SLC35F3: variants seen among roughly 807,000 people sequenced by gnomAD.
SLC35F3 encodes the protein solute carrier family 35 member F3.
Under a neutral mutation model 49.9 loss-of-function variants are expected in SLC35F3, and 25 were observed. That is an observed-to-expected ratio of 0.50 (90% CI 0.37 to 0.70). The LOEUF (loss-of-function observed/expected upper bound fraction) is 0.70, where lower values mean the gene tolerates loss of function less well. SLC35F3 is among the 30% of genes least tolerant of loss of function. SLC35F3 has a pLI of 0.00. For missense variants in SLC35F3, 525 were observed against 639.8 expected (o/e 0.82, Z 1.94); for synonymous variants, 275 against 265.4 (o/e 1.04, Z -0.35).
intron 2 of SLC35F3, among the ~76,000 whole-genome samples, chr1:234,185,516 A>G (rs1480334151): frequency 6.6e-6 from 1 of 152,210 alleles, no homozygotes; most frequent in Non-Finnish European, 1.5e-5. Context: ...GTAGTACCTA[A>G]GGCATTAATG....
chr1:234,076,713 G>A (rs1199520876), intron 2 of SLC35F3, among the ~76,000 whole-genome samples: 5 of 151,844 alleles, frequency 3.3e-5, no homozygotes, highest in Non-Finnish European at 5.9e-5. Context: ...CACCAGCCTC[G>A]CCCTCCCAAA....
intron 2 of SLC35F3, among the ~76,000 whole-genome samples, chr1:234,151,033 T>C (rs1268165897): frequency 6.6e-6 from 1 of 152,132 alleles, no homozygotes. Context: ...CAAGAAGGAC[T>C]GAAGGATCCA....
At chr1:234,114,979 T>C (rs956255746) in intron 2 of SLC35F3, among the ~76,000 whole-genome samples, 7 of 152,172 alleles carry the variant, frequency 4.6e-5, no homozygotes, top group African/African-American at 1.7e-4. Context: ...TGAGTTGATA[T>C]TAAAATATGG....
At chr1:233,935,189 C>G (rs1299176489) in intron 2 of SLC35F3, among the ~76,000 whole-genome samples, 1 of 50,302 alleles carries the variant, frequency 2.0e-5, no homozygotes, top group Non-Finnish European at 3.3e-5. Flanking sequence ...TTTCCTTGCC[C>G]TTTTTTTTTT....
chr1:233,993,939 C>T (rs1172359735), intron 2 of SLC35F3, among the ~76,000 whole-genome samples: 1 of 152,176 alleles, frequency 6.6e-6, no homozygotes, highest in Non-Finnish European at 1.5e-5. Context: ...GTGTTTTGAG[C>T]AGTTTCATTG....
At chr1:234,068,651 A>G (rs1664655651) in intron 2 of SLC35F3, among the ~76,000 whole-genome samples, 1 of 151,482 alleles carries the variant, frequency 6.6e-6, no homozygotes, top group Non-Finnish European at 1.5e-5. Context: ...TGGGAGTCAG[A>G]GAGGTGTGTG....
At chr1:234,017,028 A>C (rs1204021314) in intron 2 of SLC35F3, among the ~76,000 whole-genome samples, 2 of 152,154 alleles carry the variant, frequency 1.3e-5, no homozygotes, top group Non-Finnish European at 2.9e-5. Flanking sequence ...ATCATTCCTT[A>C]ATCTGCGTGT....
intron 2 of SLC35F3, among the ~76,000 whole-genome samples, chr1:234,057,793 C>T (rs919759796): frequency 6.6e-6 from 1 of 152,148 alleles, no homozygotes. Context: ...GCAATCTCCA[C>T]CTCCCAGATT....
intron 2 of SLC35F3, among the ~76,000 whole-genome samples, chr1:233,966,170 T>C (rs1180595718): frequency 6.6e-6 from 1 of 152,104 alleles, no homozygotes; most frequent in Non-Finnish European, 1.5e-5. Context: ...AAAGCTTACA[T>C]TTGGGAAGAA....
At chr1:233,987,033 T>G (rs554592006) in intron 2 of SLC35F3, among the ~76,000 whole-genome samples, 13 of 152,310 alleles carry the variant, frequency 8.5e-5, no homozygotes, top group Non-Finnish European at 1.5e-4. Context: ...ATGCTTTTAA[T>G]CCCAGCACTT....
chr1:234,083,348 G>A (rs996625179), intron 2 of SLC35F3, among the ~76,000 whole-genome samples: 4 of 152,282 alleles, frequency 2.6e-5, no homozygotes, highest in South Asian at 2.1e-4. Flanking sequence ...TACTGGTTTC[G>A]TATCACCTGC....
At chr1:233,963,698 G>A (rs1456519183) in intron 2 of SLC35F3, among the ~76,000 whole-genome samples, 2 of 152,200 alleles carry the variant, frequency 1.3e-5, no homozygotes, top group African/African-American at 4.8e-5. Flanking sequence ...AAACACAGAA[G>A]CCTGCATGCT....
At chr1:233,919,580 G>A (rs1283014210) in intron 2 of SLC35F3, among the ~76,000 whole-genome samples, 3 of 152,198 alleles carry the variant, frequency 2.0e-5, no homozygotes, top group Non-Finnish European at 4.4e-5. Flanking sequence ...GAGTGGGCAG[G>A]TAGCATAGAA....
chr1:234,141,860 G>A (rs914724484), intron 2 of SLC35F3, among the ~76,000 whole-genome samples: 3 of 152,122 alleles, frequency 2.0e-5, no homozygotes, highest in Non-Finnish European at 4.4e-5. Flanking sequence ...ACTCATCCTA[G>A]GATCTTTTCC....
At chr1:234,142,738 A>G (rs966469727) in intron 2 of SLC35F3, among the ~76,000 whole-genome samples, 16 of 151,946 alleles carry the variant, frequency 1.1e-4, no homozygotes, top group African/African-American at 3.9e-4. Flanking sequence ...GGGCCAGTGT[A>G]TTAAATATGG....
In SLC35F3 at chr1:234,214,565, A is replaced by C; in HGVS notation, c.284-16852A>C. 6.4e-7 allele frequency: 1 copy of C among 1,551,912 alleles called. No homozygotes were observed. Among genetic ancestry groups the C allele is most frequent in the Non-Finnish European group, 8.7e-7 (1 of 1,151,446 alleles). Reference sequence around the variant, plus strand: ...CAACAGTCCGGTCCTGACCCTTACCAAAGTGGAAGGTAATGCGCGGCCGCC... The same window carrying C: ...CAACAGTCCGGTCCTGACCCTTACCCAAGTGGAAGGTAATGCGCGGCCGCC... On this transcript the variant is annotated intron_variant, in intron 2 of 7. Coordinates refer to ENST00000366618, the MANE Select transcript of SLC35F3 (RefSeq NM_173508.4). The surrounding 1 kb of genome is among the most constrained non-coding windows in gnomAD (Gnocchi z 8.0).
intron 2 of SLC35F3, among the ~76,000 whole-genome samples, chr1:234,003,184 A>G (rs932822482): frequency 4.6e-5 from 7 of 152,186 alleles, no homozygotes; most frequent in African/African-American, 1.2e-4. Flanking sequence ...CCCATTGGTA[A>G]CAATGTTTTT....
chr1:234,099,613 AAAAAAAAAAAAAAAC>A (rs1030709674), intron 2 of SLC35F3, among the ~76,000 whole-genome samples: 2 of 151,196 alleles, frequency 1.3e-5, no homozygotes, highest in African/African-American at 2.4e-5. Flanking sequence ...TGTCTAAAAA[AAAAAAAAAAAAAAAC>A]AAAAAAAAGA....
At chr1:234,322,951 C>G (rs1228408465) in intron 7 of SLC35F3, 57 bp from the exon 8 acceptor site, 2 of 1,504,688 alleles carry the variant, frequency 1.3e-6, no homozygotes, top group Non-Finnish European at 1.8e-6. Context: ...TGCCCACTCT[C>G]CAGGGACATG....
Sources: allele counts gnomAD v4.1 joint callset (sites outside exome capture counted in the v4.1 genomes callset), GRCh38; gene constraint gnomAD v4.1.1; non-coding constraint Gnocchi (gnomAD v3.1); transcripts MANE v1.5; gene names NCBI Gene and HGNC (gene_info 2026-07-23, HGNC 2026-07-21).